LGR5: variants seen among roughly 807,000 people sequenced by gnomAD.
LGR5 encodes leucine rich repeat containing G protein-coupled receptor 5.
LGR5 carries 54 observed loss-of-function variants against 76.7 expected under a neutral mutation model. The observed-to-expected ratio is 0.70, with a 90% CI of 0.57 to 0.88. The LOEUF (loss-of-function observed/expected upper bound fraction) is 0.88. LGR5 is among the 40% of genes least tolerant of loss of function. The pLI is 0.00. For synonymous variants in LGR5, 406 were observed against 421.9 expected (o/e 0.96, Z 0.46); for missense variants, 1,078 against 1,073.3 (o/e 1.00, Z -0.06).
At chr12:71,547,927 T>A (rs1877274195) in intron 4 of LGR5, among the ~76,000 whole-genome samples, 1 of 152,132 alleles carries the variant, frequency 6.6e-6, no homozygotes, top group Admixed American at 6.6e-5. Flanking sequence ...GGGAAAATTT[T>A]TGTTTTACCT....
intron 1 of LGR5, among the ~76,000 whole-genome samples, chr12:71,475,938 G>C (rs1216329255): frequency 6.6e-6 from 1 of 152,072 alleles, no homozygotes; most frequent in African/African-American, 2.4e-5. Context: ...CTCCTTGGAC[G>C]AACCTTGAGA....
intron 1 of LGR5, among the ~76,000 whole-genome samples, chr12:71,470,828 C>G (rs1873069008): frequency 6.6e-6 from 1 of 152,194 alleles, no homozygotes; most frequent in East Asian, 1.9e-4. Flanking sequence ...TCACTCTACT[C>G]TACCTAGATG....
intron 1 of LGR5, among the ~76,000 whole-genome samples, chr12:71,462,874 T>C (rs150239549): frequency 4.3e-4 from 65 of 152,278 alleles, no homozygotes; most frequent in Non-Finnish European, 6.8e-4. Context: ...CAGATAATCT[T>C]AGTTCTCTCA....
At chr12:71,493,220 C>CT (rs1874156369) in intron 1 of LGR5, among the ~76,000 whole-genome samples, 2 of 151,158 alleles carry the variant, frequency 1.3e-5, no homozygotes, top group African/African-American at 4.9e-5. Flanking sequence ...TTTCTGGCAT[C>CT]TTTTTTACCA....
At chr12:71,480,257 G>A (rs12833367) in intron 1 of LGR5, among the ~76,000 whole-genome samples, 13,559 of 151,526 alleles carry the variant, frequency 0.089, 653 homozygotes, top group Non-Finnish European at 0.11. Flanking sequence ...CCAGCTGCTC[G>A]GGAGGCTGAG....
At chr12:71,580,977 T>C (rs1879067070) in intron 16 of LGR5, among the ~76,000 whole-genome samples, 1 of 152,200 alleles carries the variant, frequency 6.6e-6, no homozygotes, top group African/African-American at 2.4e-5. Flanking sequence ...CTTATATTTA[T>C]ATGTATAATT....
chr12:71,529,577 A>G (rs1185980259), intron 3 of LGR5, among the ~76,000 whole-genome samples: 2 of 152,192 alleles, frequency 1.3e-5, no homozygotes, highest in African/African-American at 2.4e-5. Flanking sequence ...GTATCCATCT[A>G]GATCTCTACT....
At chr12:71,522,911 A>G (rs1411082369) in intron 2 of LGR5, among the ~76,000 whole-genome samples, 1 of 152,148 alleles carries the variant, frequency 6.6e-6, no homozygotes, top group East Asian at 1.9e-4. Flanking sequence ...CAACAGCACA[A>G]AGCAAGTTAG....
intron 2 of LGR5, among the ~76,000 whole-genome samples, chr12:71,514,742 A>G (rs1875352622): frequency 6.6e-6 from 1 of 152,192 alleles, no homozygotes; most frequent in Non-Finnish European, 1.5e-5. Flanking sequence ...ATGAAAGCAA[A>G]ATGCACAGCT....
At chr12:71,540,875 A>C (rs1876842441) in intron 4 of LGR5, among the ~76,000 whole-genome samples, 1 of 152,232 alleles carries the variant, frequency 6.6e-6, no homozygotes, top group Admixed American at 6.5e-5. Flanking sequence ...TTAAAAAAAC[A>C]GTGGTTTTAG....
chr12:71,501,969 G>A (rs1220048779), intron 1 of LGR5, among the ~76,000 whole-genome samples: 1 of 151,980 alleles, frequency 6.6e-6, no homozygotes, highest in African/African-American at 2.4e-5. Context: ...TATTTTAGAG[G>A]CCCATTTCAT....
At chr12:71,511,247 T>C (rs888130345) in intron 2 of LGR5, among the ~76,000 whole-genome samples, 1 of 152,238 alleles carries the variant, frequency 6.6e-6, no homozygotes, top group Non-Finnish European at 1.5e-5. Context: ...CTTTGATTGC[T>C]AGACCAATGG....
At chr12:71,545,467 T>C (rs1022217842) in intron 4 of LGR5, among the ~76,000 whole-genome samples, 1 of 152,016 alleles carries the variant, frequency 6.6e-6, no homozygotes, top group African/African-American at 2.4e-5. Flanking sequence ...AATAAATAAA[T>C]AAAATGCTCA....
chr12:71,565,445 G>T (rs1795458), intron 8 of LGR5, among the ~76,000 whole-genome samples: 1,028 of 5,742 alleles, frequency 0.18, 10 homozygotes, highest in Middle Eastern at 0.5. Context: ...TATATATATA[G>T]CTCATATATA....
chr12:71,572,979 C>A, intron 13 of LGR5, 58 bp downstream of exon 13: 5 of 1,260,206 alleles, frequency 4.0e-6, no homozygotes, highest in Non-Finnish European at 4.6e-6. Flanking sequence ...CTCTTTGGGG[C>A]CTTCCCCTAA....
intron 4 of LGR5, among the ~76,000 whole-genome samples, chr12:71,539,111 C>A (rs1876746870): frequency 6.6e-6 from 1 of 152,154 alleles, no homozygotes; most frequent in South Asian, 2.1e-4. Flanking sequence ...AAATGCAGAA[C>A]ACTTGGTCTC....
intron 1 of LGR5, among the ~76,000 whole-genome samples, chr12:71,445,099 G>C (rs1358725625): frequency 6.6e-6 from 1 of 152,122 alleles, no homozygotes; most frequent in Non-Finnish European, 1.5e-5. Flanking sequence ...TAATGTTTTT[G>C]TTTGGTTCAG....
At chr12:71,534,352 T>C (rs1201422706) in intron 3 of LGR5, among the ~76,000 whole-genome samples, 1 of 152,168 alleles carries the variant, frequency 6.6e-6, no homozygotes, top group Non-Finnish European at 1.5e-5. Flanking sequence ...CTGTTCAAGA[T>C]TTTCAAGTGC....
intron 2 of LGR5, among the ~76,000 whole-genome samples, chr12:71,505,350 T>C (rs1159311320): frequency 6.6e-6 from 1 of 152,218 alleles, no homozygotes; most frequent in Non-Finnish European, 1.5e-5. Context: ...GAAAAAGAAC[T>C]GTATAAATCA....
Sources: gnomAD v4.1 joint callset for allele counts (sites outside exome capture counted in the v4.1 genomes callset) on GRCh38, gnomAD v4.1.1 for gene constraint, MANE v1.5 for transcripts, NCBI Gene and HGNC (gene_info 2026-07-23, HGNC 2026-07-21) for gene names.